Variants in ELAVL4 observed in about 807,000 individuals in gnomAD.
The protein encoded by ELAVL4 is ELAV like RNA binding protein 4.
In ELAVL4, 1 loss-of-function variant was observed where a neutral mutation model predicts 35.6. That is an observed-to-expected ratio of 0.03 (90% CI 0.01 to 0.13). The LOEUF (loss-of-function observed/expected upper bound fraction) is 0.13. Among genes scored for constraint, ELAVL4 ranks in the 10% least tolerant of loss-of-function variants. ELAVL4 has a pLI of 1.00. For synonymous variants in ELAVL4, 156 were observed against 171.0 expected (o/e 0.91, Z 0.69); for missense variants, 267 against 464.9 (o/e 0.57, Z 3.91).
chr1:50,108,448 C>A (rs1163199057), upstream of ELAVL4, among the ~76,000 whole-genome samples: 1 of 152,052 alleles, frequency 6.6e-6, no homozygotes, highest in African/African-American at 2.4e-5. Context: ...TTTGTTGTAC[C>A]TTTAAGCCTA....
At chr1:50,190,842 G>A (rs1258966913) in intron 3 of ELAVL4, among the ~76,000 whole-genome samples, 1 of 152,192 alleles carries the variant, frequency 6.6e-6, no homozygotes, top group Non-Finnish European at 1.5e-5. Context: ...TGGGTGCCAG[G>A]TACTGTGCTA....
chr1:50,119,835 T>C (rs953704991), intron 1 of ELAVL4, among the ~76,000 whole-genome samples: 1 of 151,900 alleles, frequency 6.6e-6, no homozygotes, highest in African/African-American at 2.4e-5. Flanking sequence ...TTTTGCCCTA[T>C]GGTGTCAGTT....
chr1:50,188,847 G>T (rs200736920), intron 3 of ELAVL4, among the ~76,000 whole-genome samples: 1 of 152,218 alleles, frequency 6.6e-6, no homozygotes, highest in East Asian at 1.9e-4. Flanking sequence ...AATAGGCCTG[G>T]TCTGTTGCTG....
chr1:50,062,664 T>C (rs1664053334), intron 1 of ELAVL4, among the ~76,000 whole-genome samples: 1 of 152,132 alleles, frequency 6.6e-6, no homozygotes, highest in Non-Finnish European at 1.5e-5. Flanking sequence ...GAAAAGAGAT[T>C]TGAAATAGAA....
chr1:50,078,145 T>G (rs1557690058), intron 1 of ELAVL4, among the ~76,000 whole-genome samples: 1 of 141,946 alleles, frequency 7.0e-6, no homozygotes, highest in Non-Finnish European at 1.6e-5. Context: ...TGTGTGTGTA[T>G]ATAGTATTTG....
chr1:50,059,095 A>G (rs1320274135), intron 1 of ELAVL4, among the ~76,000 whole-genome samples: 1 of 152,168 alleles, frequency 6.6e-6, no homozygotes, highest in African/African-American at 2.4e-5. Flanking sequence ...TGATACCTTT[A>G]ATTAGCCAAC....
intron 1 of ELAVL4, among the ~76,000 whole-genome samples, chr1:50,062,870 A>G (rs1664066580): frequency 6.6e-6 from 1 of 152,118 alleles, no homozygotes; most frequent in Non-Finnish European, 1.5e-5. Context: ...GTTTTTATCC[A>G]TTAATCCATC....
chr1:50,176,497 A>C (rs1462807193), intron 2 of ELAVL4, among the ~76,000 whole-genome samples: 1 of 152,158 alleles, frequency 6.6e-6, no homozygotes, highest in Non-Finnish European at 1.5e-5. Flanking sequence ...TGTGTCCAGC[A>C]CTTGCCTCAA....
At chr1:50,048,210 AC>A in intron 1 of ELAVL4, 2 of 1,504,926 alleles carry the variant, frequency 1.3e-6, no homozygotes, top group African/African-American at 1.4e-5. Context: ...CAGGCCCCGC[AC>A]CCCCGACTCT....
At chr1:50,172,687 C>G (rs535016438) in intron 2 of ELAVL4, among the ~76,000 whole-genome samples, 1 of 152,188 alleles carries the variant, frequency 6.6e-6, no homozygotes, top group Non-Finnish European at 1.5e-5. Flanking sequence ...GTTTTCTAAC[C>G]CCTGATCCAG....
At chr1:50,129,101 A>C (rs1670435128) in intron 1 of ELAVL4, among the ~76,000 whole-genome samples, 1 of 151,988 alleles carries the variant, frequency 6.6e-6, no homozygotes, top group South Asian at 2.1e-4. Context: ...ATTATTATAA[A>C]AAATTATTTT....
chr1:50,111,094 A>G (rs557799449), intron 1 of ELAVL4, among the ~76,000 whole-genome samples: 2 of 152,064 alleles, frequency 1.3e-5, no homozygotes, highest in South Asian at 4.2e-4. Flanking sequence ...GATTTTTAGA[A>G]ATCTATTTTT....
chr1:50,091,929 T>G (rs1047421868), intron 1 of ELAVL4, among the ~76,000 whole-genome samples: 2 of 152,090 alleles, frequency 1.3e-5, no homozygotes, highest in African/African-American at 4.8e-5. Context: ...AGTACCCAAA[T>G]CTCTATACTT....
chr1:50,050,214 C>A (rs868178272), intron 1 of ELAVL4, among the ~76,000 whole-genome samples: 3 of 152,280 alleles, frequency 2.0e-5, no homozygotes, highest in Middle Eastern at 3.4e-3. Flanking sequence ...ACAGTGCCTG[C>A]CATATGGGCA....
intron 1 of ELAVL4, among the ~76,000 whole-genome samples, chr1:50,094,801 G>C (rs1036470040): frequency 2.0e-5 from 3 of 151,654 alleles, no homozygotes; most frequent in Non-Finnish European, 4.4e-5. Flanking sequence ...TTGATGGCAG[G>C]TGCCTGTAAT....
chr1:50,136,528 G>A (rs1046538410), intron 1 of ELAVL4, among the ~76,000 whole-genome samples: 1 of 152,126 alleles, frequency 6.6e-6, no homozygotes, highest in African/African-American at 2.4e-5. Context: ...ATAAGGGTTA[G>A]CTTTATACAT....
rs559775066 is a variant in ELAVL4, at chr1:50,191,856, G to A, written c.355-1909G>A. ...TTTTGAGGGAGCACAAATGTCATTC[G>A]GATAATTAATTTGTCAGTAATTGGC... On this transcript the variant is annotated intron_variant, in intron 3 of 6. Transcript: ENST00000371824. Among the ~76,000 whole-genome samples, 33 of 152,280 alleles carry A rather than the reference G, an allele frequency of 2.2e-4. 1 individual carries two copies. The South Asian group carries it at 5.2e-3, about 24-fold the overall frequency.
At chr1:50,154,997 C>T (rs944068175) in intron 2 of ELAVL4, among the ~76,000 whole-genome samples, 4 of 151,780 alleles carry the variant, frequency 2.6e-5, no homozygotes, top group East Asian at 1.9e-4. Context: ...ATGACTCAAA[C>T]GGACCACCTA....
intron 1 of ELAVL4, chr1:50,141,667 T>G (rs569323045): frequency 9.2e-5 from 14 of 152,468 alleles, no homozygotes; most frequent in African/African-American, 2.9e-4. Context: ...GAAGGCAAAG[T>G]GGCTGAATAG....
Sources: allele counts gnomAD v4.1 joint callset (sites outside exome capture counted in the v4.1 genomes callset), GRCh38; gene constraint gnomAD v4.1.1; transcripts MANE v1.5; gene names NCBI Gene and HGNC (gene_info 2026-07-23, HGNC 2026-07-21).